Variants in SLC25A51 observed in about 807,000 individuals in gnomAD.
The protein encoded by SLC25A51 is mitochondrial nicotinamide adenine dinucleotide transporter SLC25A51.
SLC25A51 carries 11 observed loss-of-function variants against 19.1 expected under a neutral mutation model. The observed-to-expected ratio is 0.58, with a 90% confidence interval of 0.36 to 0.96. SLC25A51 has a LOEUF of 0.96. SLC25A51 is among the 40% of genes least tolerant of loss of function. The pLI, the probability that SLC25A51 is intolerant of heterozygous loss-of-function variation, is 0.01. For missense variants in SLC25A51, 201 were observed against 365.4 expected (o/e 0.55, Z 3.67); for synonymous variants, 105 against 133.6 (o/e 0.79, Z 1.47).
chr9:37,887,834 T>C lies in SLC25A51; in HGVS notation c.717A>G (p.Ile239Met), dbSNP rs781715581. 3.1e-6 allele frequency: 5 copies of C among 1,612,920 alleles called. No homozygotes were observed. Among genetic ancestry groups the C allele is most frequent in the Non-Finnish European group, 4.2e-6 (5 of 1,179,872 alleles). The change falls in exon 3 of 3, where the codon ATA becomes ATG. Residue 239 changes from isoleucine to methionine, a missense_variant. Coordinates refer to ENST00000242275, the MANE Select transcript of SLC25A51 (RefSeq NM_033412.4). ...FFPINVVKTR[I>M]QSQIGGEFQS... ...GAAATTCCCCACCAATCTGAGACTGTATGCGAGTTTTTACAACATTAATTG... is the reference window on the plus strand; with the variant it reads ...GAAATTCCCCACCAATCTGAGACTGCATGCGAGTTTTTACAACATTAATTG...
intron 2 of SLC25A51, among the ~76,000 whole-genome samples, chr9:37,896,534 G>A (rs868308564): frequency 2.0e-5 from 3 of 152,136 alleles, no homozygotes; most frequent in Middle Eastern, 3.2e-3. Flanking sequence ...AGTGGCTCAC[G>A]CCGGTAGTCC....
chr9:37,878,984 G>A (rs900073840), downstream of SLC25A51: 9 of 237,332 alleles, frequency 3.8e-5, no homozygotes, highest in African/African-American at 1.4e-4. Flanking sequence ...AAAACTTTGC[G>A]TGGGTTGTAG....
chr9:37,891,967 A>G (rs540675568), intron 2 of SLC25A51, among the ~76,000 whole-genome samples: 1 of 151,804 alleles, frequency 6.6e-6, no homozygotes, highest in South Asian at 2.1e-4. Flanking sequence ...AATAATGAAT[A>G]CAAATGCTCA....
Position 37,888,013 on chromosome 9 carries a change from G to A in SLC25A51, c.538C>T (p.Leu180Phe). The change falls in exon 3 of 3, where the codon CTT becomes TTT. Residue 180 changes from leucine to phenylalanine, a missense_variant. Coordinates refer to ENST00000242275, the MANE Select transcript of SLC25A51 (RefSeq NM_033412.4). ...GEYYRGLVPI[L>F]FRNGLSNVLF... ...ACATTGCTGAGTCCATTCCGGAAAA[G>A]AATGGGCACCAAGCCTCGATAATAC... The A allele has an allele frequency of 6.2e-7, 1 of 1,612,448 alleles. No homozygotes were observed.
At chr9:37,902,555 T>C (rs1431258359) in intron 1 of SLC25A51, among the ~76,000 whole-genome samples, 2 of 152,258 alleles carry the variant, frequency 1.3e-5, no homozygotes, top group African/African-American at 4.8e-5. Context: ...TATTTGGTAG[T>C]ACAGTTTAGA....
chr9:37,885,352 A>AC (rs1482208007), downstream of SLC25A51, among the ~76,000 whole-genome samples: 4 of 151,318 alleles, frequency 2.6e-5, no homozygotes, highest in Non-Finnish European at 4.4e-5. Context: ...TAAAAAAAAA[A>AC]AAAAAAAAAA....
intron 2 of SLC25A51, among the ~76,000 whole-genome samples, chr9:37,897,433 A>G (rs1352194041): frequency 2.0e-5 from 3 of 151,998 alleles, no homozygotes; most frequent in Admixed American, 2.0e-4. Flanking sequence ...ACAACTAACA[A>G]TTCTTGGGTA....
intron 3 of SLC25A51, chr9:37,881,434 T>C (rs1437365340): frequency 6.6e-6 from 1 of 152,172 alleles, no homozygotes; most frequent in South Asian, 2.1e-4. Context: ...GGTGGGCAGA[T>C]TGCTCGAGCC....
intron 3 of SLC25A51, among the ~76,000 whole-genome samples, chr9:37,880,992 T>C (rs1023774176): frequency 1.3e-5 from 2 of 152,170 alleles, no homozygotes; most frequent in South Asian, 2.1e-4. Flanking sequence ...ATTACACTTA[T>C]TCTTTATGAT....
At chr9:37,890,703 A>G (rs1174221145) in intron 2 of SLC25A51, among the ~76,000 whole-genome samples, 1 of 152,076 alleles carries the variant, frequency 6.6e-6, no homozygotes, top group Non-Finnish European at 1.5e-5. Context: ...TTTAAAAAAA[A>G]AAAAGAACAT....
At chr9:37,878,854 G>A (rs1217958743), downstream of SLC25A51, 3 of 163,200 alleles carry the variant, frequency 1.8e-5, no homozygotes, top group Non-Finnish European at 4.0e-5. Flanking sequence ...CCAGACTCAA[G>A]CAATCCTCCT....
At chr9:37,886,860 T>C (rs1233559094), downstream of SLC25A51, among the ~76,000 whole-genome samples, 1 of 152,158 alleles carries the variant, frequency 6.6e-6, no homozygotes, top group Non-Finnish European at 1.5e-5. Flanking sequence ...TGGTTTATGG[T>C]CTTCATTAAA....
Position 37,888,318 on chromosome 9 carries a change from C to G in SLC25A51, c.233G>C (p.Arg78Pro). ...AILQLRRDGFRNLYRGILPPL... is the reference protein window; with the variant it reads ...AILQLRRDGFPNLYRGILPPL... ...GGGAAGGATTCCACGATACAAATTT[C>G]GAAATCCATCCCTTCTCAACTGAAG... The change falls in exon 3 of 3, where the codon CGA becomes CCA. Residue 78 changes from arginine to proline, a missense_variant. Arg to Pro is a moderately radical substitution (Grantham distance 103). Transcript: ENST00000242275. The G allele has an allele frequency of 6.2e-7, 1 of 1,614,250 alleles. No homozygotes were observed. The highest frequency in any genetic ancestry group is 8.5e-7 in the Non-Finnish European group (1 of 1,180,052).
intron 2 of SLC25A51, among the ~76,000 whole-genome samples, chr9:37,894,619 C>T (rs745509899): frequency 1.4e-4 from 21 of 152,154 alleles, no homozygotes; most frequent in Non-Finnish European, 2.4e-4. Flanking sequence ...AGCCACTGGC[C>T]TGGCCTTTTA....
intron 2 of SLC25A51, among the ~76,000 whole-genome samples, chr9:37,896,640 A>G (rs1831721990): frequency 1.3e-5 from 2 of 152,192 alleles, no homozygotes; most frequent in South Asian, 4.1e-4. Context: ...CACTAAAAAT[A>G]CAAAAATTAG....
intron 2 of SLC25A51, among the ~76,000 whole-genome samples, chr9:37,890,203 G>A (rs1308716767): frequency 6.6e-6 from 1 of 151,942 alleles, no homozygotes; most frequent in Non-Finnish European, 1.5e-5. Flanking sequence ...GGGCAACATA[G>A]AGAGATCCCA....
intron 2 of SLC25A51, among the ~76,000 whole-genome samples, chr9:37,891,398 G>A (rs1455694949): frequency 6.6e-6 from 1 of 152,210 alleles, no homozygotes; most frequent in Non-Finnish European, 1.5e-5. Context: ...TGACGATGGC[G>A]GTTTTGTCGA....
At chr9:37,901,420 T>C (rs935794723) in intron 1 of SLC25A51, among the ~76,000 whole-genome samples, 1 of 152,200 alleles carries the variant, frequency 6.6e-6, no homozygotes, top group Non-Finnish European at 1.5e-5. Context: ...CAGCCTGCCT[T>C]GGCCTCCCAA....
intron 2 of SLC25A51, among the ~76,000 whole-genome samples, chr9:37,893,993 A>AAC (rs1005467960): frequency 9.9e-5 from 15 of 152,106 alleles, no homozygotes; most frequent in African/African-American, 2.2e-4. Context: ...TTTAAAAAGA[A>AAC]ACACACACAC....
Sources: allele counts gnomAD v4.1 joint callset (sites outside exome capture counted in the v4.1 genomes callset), GRCh38; gene constraint gnomAD v4.1.1; transcripts MANE v1.5; gene names NCBI Gene and HGNC (gene_info 2026-07-23, HGNC 2026-07-21).